C13orf42: variants seen among roughly 807,000 people sequenced by gnomAD.
C13orf42 encodes uncharacterized protein C13orf42.
intron 1 of C13orf42, among the ~76,000 whole-genome samples, chr13:51,091,402 A>C (rs1010680527): frequency 3.9e-5 from 6 of 152,132 alleles, no homozygotes; most frequent in Non-Finnish European, 5.9e-5. Flanking sequence ...CCTTGCCCTA[A>C]ATCCTTCATG....
intron 1 of C13orf42, among the ~76,000 whole-genome samples, chr13:51,131,959 G>A (rs1033927116): frequency 6.6e-6 from 1 of 152,082 alleles, no homozygotes; most frequent in Non-Finnish European, 1.5e-5. Flanking sequence ...CAAGAGGGAT[G>A]GGTAATATAA....
intron 1 of C13orf42, among the ~76,000 whole-genome samples, chr13:51,101,259 A>C (rs1232860627): frequency 6.6e-6 from 1 of 152,238 alleles, no homozygotes; most frequent in African/African-American, 2.4e-5. Context: ...AAATATGACT[A>C]AAAGAAAATA....
intron 1 of C13orf42, among the ~76,000 whole-genome samples, chr13:51,093,530 A>G (rs1953201571): frequency 6.6e-6 from 1 of 152,224 alleles, no homozygotes; most frequent in African/African-American, 2.4e-5. Flanking sequence ...ACTGAATTGC[A>G]AAGTTCAGAT....
chr13:51,085,901 T>G (rs1953119303), intron 2 of C13orf42, among the ~76,000 whole-genome samples: 2 of 151,754 alleles, frequency 1.3e-5, no homozygotes, highest in Non-Finnish European at 2.9e-5. Context: ...ATACAAAAAT[T>G]AGCCGGGCGT....
chr13:51,096,800 G>A (rs890971768), intron 1 of C13orf42, among the ~76,000 whole-genome samples: 6 of 152,108 alleles, frequency 3.9e-5, no homozygotes, highest in African/African-American at 1.4e-4. Flanking sequence ...TTTAAGGATT[G>A]CTTTTTTCTT....
chr13:51,147,776 G>A (rs1405339249), intron 1 of C13orf42, among the ~76,000 whole-genome samples: 1 of 152,050 alleles, frequency 6.6e-6, no homozygotes, highest in Non-Finnish European at 1.5e-5. Context: ...TTCAACCCTA[G>A]TTGCACATTA....
intron 1 of C13orf42, among the ~76,000 whole-genome samples, chr13:51,169,874 C>T (rs1293621337): frequency 6.6e-6 from 1 of 152,216 alleles, no homozygotes; most frequent in African/African-American, 2.4e-5. Flanking sequence ...TCTGTCAGGC[C>T]TCTGAGCCCA....
intron 1 of C13orf42, among the ~76,000 whole-genome samples, chr13:51,156,925 T>C (rs1325516590): frequency 6.6e-6 from 1 of 152,190 alleles, no homozygotes; most frequent in Non-Finnish European, 1.5e-5. Flanking sequence ...GAGTACAGCT[T>C]CTCGTATTAC....
At chr13:51,126,098 C>T (rs899469203) in intron 1 of C13orf42, among the ~76,000 whole-genome samples, 5 of 152,102 alleles carry the variant, frequency 3.3e-5, no homozygotes, top group African/African-American at 1.2e-4. Flanking sequence ...CGTGTGTGGC[C>T]GGGTGGATGT....
chr13:51,092,979 A>C (rs1435784480), intron 1 of C13orf42, among the ~76,000 whole-genome samples: 1 of 152,220 alleles, frequency 6.6e-6, no homozygotes, highest in Admixed American at 6.5e-5. Context: ...TAAATACTTC[A>C]AAATGTATCT....
chr13:51,116,166 C>T (rs570125744), upstream of C13orf42, among the ~76,000 whole-genome samples: 6 of 152,126 alleles, frequency 3.9e-5, no homozygotes, highest in African/African-American at 1.2e-4. Context: ...GGGCTGGTGG[C>T]GGGACTATAT....
chr13:51,157,686 G>A (rs940130218), intron 1 of C13orf42, among the ~76,000 whole-genome samples: 3 of 152,094 alleles, frequency 2.0e-5, no homozygotes, highest in Admixed American at 6.5e-5. Flanking sequence ...CCCTACACAC[G>A]CTTGTACAGG....
At chr13:51,093,645 C>T (rs984295068) in intron 1 of C13orf42, among the ~76,000 whole-genome samples, 4 of 152,238 alleles carry the variant, frequency 2.6e-5, no homozygotes, top group Middle Eastern at 3.4e-3. Context: ...CTGTTTCGTG[C>T]GATGTTGACA....
intron 1 of C13orf42, among the ~76,000 whole-genome samples, chr13:51,095,321 T>C (rs1436568581): frequency 6.6e-6 from 1 of 151,992 alleles, no homozygotes; most frequent in African/African-American, 2.4e-5. Context: ...GCTGTTGTTG[T>C]TATTGATCCT....
Position 51,104,280 on chromosome 13 carries a change from T to C in C13orf42, c.414+6516A>G, listed in dbSNP as rs200534057. On this transcript the variant is annotated intron_variant, in intron 1 of 3. Coordinates refer to ENST00000563710, the MANE Select transcript of C13orf42 (RefSeq NM_001351589.3). ...ATAAATGATAATTTGGAAAAGCTCA[T>C]GGGAGACTAGTGTGAAAGACCCTGG... is the stretch of plus-strand genomic sequence containing the variant. Among the ~76,000 whole-genome samples, 4 of 152,354 alleles carry C rather than the reference T, an allele frequency of 2.6e-5. No individual in the cohort carries two copies. The East Asian group carries it at 7.7e-4, about 29-fold the overall frequency.
intron 1 of C13orf42, among the ~76,000 whole-genome samples, chr13:51,149,004 G>A (rs1247764205): frequency 6.6e-6 from 1 of 152,170 alleles, no homozygotes; most frequent in African/African-American, 2.4e-5. Flanking sequence ...CTTTCTGACT[G>A]CCCACCTCCT....
At chr13:51,101,686 A>AAGGTCGG (rs1480618615) in intron 1 of C13orf42, among the ~76,000 whole-genome samples, 3 of 152,238 alleles carry the variant, frequency 2.0e-5, no homozygotes, top group Non-Finnish European at 4.4e-5. Context: ...AAAGATAAAT[A>AAGGTCGG]AGATATAATG....
rs1953092831 is a variant in C13orf42 at position 51,084,000 on chromosome 13, G to A, written c.*151C>T. On this transcript the variant is annotated 3_prime_UTR_variant, in exon 4 of 4. Transcript: ENST00000563710. ...CCCCTGGGAAGCCACAGGTCTGTTT[G>A]GCACTGGCACGGCACCAGCAGGCAG... The A allele has an allele frequency of 2.5e-6, 1 of 393,626 alleles. No homozygotes were observed. Among genetic ancestry groups the A allele is most frequent in the Non-Finnish European group, 4.5e-6 (1 of 223,502 alleles). 24.4% of individuals were successfully genotyped at this position (393,626 alleles called of 1,614,324 possible). A position where few individuals can be genotyped will look rare whatever the true frequency, so the allele number is the denominator to read the frequency against.
intron 1 of C13orf42, among the ~76,000 whole-genome samples, chr13:51,165,656 T>A (rs1290075290): frequency 1.3e-5 from 2 of 152,116 alleles, no homozygotes; most frequent in Non-Finnish European, 2.9e-5. Flanking sequence ...ATAGGTCATG[T>A]GAGATGAGGA....
Sources: allele counts gnomAD v4.1 joint callset (sites outside exome capture counted in the v4.1 genomes callset), GRCh38; gene constraint gnomAD v4.1.1; transcripts MANE v1.5; gene names NCBI Gene and HGNC (gene_info 2026-07-23, HGNC 2026-07-21).